Variants in SH2D5 observed in about 807,000 individuals in gnomAD.
SH2D5 encodes SH2 domain containing 5, also known as SH2 domain-containing protein 5.
A neutral mutation model predicts 48.2 loss-of-function variants in SH2D5; 45 were observed. The ratio of observed to expected loss-of-function variants is 0.93; its 90% confidence interval spans 0.73 to 1.20. SH2D5 has a LOEUF of 1.20. SH2D5 is among the 50% of genes most tolerant of loss of function. The probability of loss-of-function intolerance (pLI) is 0.00; values close to 1 mark genes in which losing one functional copy is unlikely to be tolerated. For synonymous variants in SH2D5, 230 were observed against 249.8 expected (o/e 0.92, Z 0.75); for missense variants, 538 against 584.1 (o/e 0.92, Z 0.81).
Position 20,729,180 on chromosome 1 carries a change from A to G in SH2D5, c.-42-1094T>C, listed in dbSNP as rs975817818. ...GAGCCCAGGACACAGCTGGTGTTCA[A>G]TTAATGTGGAATTAACATATCATGG... is the stretch of plus-strand genomic sequence containing the variant. On this transcript the variant is annotated intron_variant, in intron 1 of 9. Coordinates refer to ENST00000444387, the MANE Select transcript of SH2D5 (RefSeq NM_001103161.2). The surrounding 1 kb of genome is among the most constrained non-coding windows in gnomAD (Gnocchi z 4.2). Among the ~76,000 whole-genome samples, 1 of 152,208 alleles carries G rather than the reference A, an allele frequency of 6.6e-6. No homozygotes were observed. Among genetic ancestry groups the G allele is most frequent in the Non-Finnish European group, 1.5e-5 (1 of 68,042 alleles).
rs973682843 is a variant in SH2D5, at chr1:20,720,274, C to T, written c.*1518G>A. ...AAGAAGTCCCAAAGGGCAGTTCCTT[C>T]TATCTTTTGTGACAGGATAGCTCAC... On this transcript the variant is annotated 3_prime_UTR_variant, in exon 10 of 10. Transcript: ENST00000444387. The T allele has an allele frequency of 1.3e-5, 2 of 152,262 alleles. No homozygotes were observed. Among genetic ancestry groups the T allele is most frequent in the African/African-American group, 4.8e-5 (2 of 41,470 alleles). 9.4% of individuals were successfully genotyped at this position (152,262 alleles called of 1,614,324 possible). A position where few individuals can be genotyped will look rare whatever the true frequency, so the allele number is the denominator to read the frequency against.
rs1239597280 is a variant in SH2D5 at position 20,719,770 on chromosome 1, A to C, written c.*2022T>G. On this transcript the variant is annotated 3_prime_UTR_variant, in exon 10 of 10. Coordinates refer to ENST00000444387, the MANE Select transcript of SH2D5 (RefSeq NM_001103161.2). ...TTATTTTGTTTCAAGTCCACACAGC[A>C]AGGAAAGTGGGGCTACCGAGGTGGC... is the stretch of plus-strand genomic sequence containing the variant. 1 of 152,212 alleles carries C rather than the reference A, an allele frequency of 6.6e-6. No individual in the cohort carries two copies. Among genetic ancestry groups the C allele is most frequent in the Non-Finnish European group, 1.5e-5 (1 of 68,034 alleles). The allele number at this position is 152,212 out of a possible 1,614,324, so 9.4% of individuals were successfully genotyped here.
rs773597575 is a variant in SH2D5 at position 20,724,522 on chromosome 1, G to C, written c.504C>G (p.Pro168=). ...EPCPGPTGEV[P]LKPLSSSGGL... ...CCCCAGAGCTGGACAGTGGCTTCAGGGGCACCTCCCCTGTGGGCCCTGGGC... is the reference window on the plus strand; with the variant it reads ...CCCCAGAGCTGGACAGTGGCTTCAGCGGCACCTCCCCTGTGGGCCCTGGGC... The change falls in exon 6 of 10, where the codon CCC becomes CCG. Residue 168 remains proline, a synonymous_variant. Transcript: ENST00000444387. 1.2e-6 allele frequency: 2 copies of C among 1,611,056 alleles called. No individual in the cohort carries two copies. The highest frequency in any genetic ancestry group is 2.7e-5 in the African/African-American group (2 of 74,930).
In SH2D5 at chr1:20,728,951, CTCAG is replaced by C. The variant is rs1225936469; in HGVS notation, c.-42-869_-42-866del. Among the ~76,000 whole-genome samples, 2 of 151,212 alleles carry C rather than the reference CTCAG, an allele frequency of 1.3e-5. No individual in the cohort carries two copies. The highest frequency in any genetic ancestry group is 2.9e-5 in the Non-Finnish European group (2 of 67,892). On this transcript the variant is annotated intron_variant, in intron 1 of 9. Transcript: ENST00000444387. The surrounding 1 kb of genome is among the most constrained non-coding windows in gnomAD (Gnocchi z 4.3). ...CCCTTGCAGATCATGAAAACCAGAA[CTCAG>C]TCAGACAGTGCGCTGATGCAGACAG...
chr1:20,728,046 GC>G lies in SH2D5; in HGVS notation c.-3del. On this transcript the variant is annotated 5_prime_UTR_variant, in exon 2 of 10. Coordinates refer to ENST00000444387, the MANE Select transcript of SH2D5 (RefSeq NM_001103161.2). This position sits in a 1 kb window ranked among gnomAD's most constrained non-coding sequence, Gnocchi z 4.3. ...GCCCCCAGCCCCCGCCTTCTGCATG[GC>G]CCCCAGGGTGCCTGGCTTCCAGCTC... The G allele has an allele frequency of 1.3e-6, 2 of 1,539,826 alleles. No homozygotes were observed. The highest frequency in any genetic ancestry group is 1.8e-6 in the Non-Finnish European group (2 of 1,141,478).
intron 4 of SH2D5, 142 bp from the exon 5 acceptor site, chr1:20,726,208 G>C (rs2054796697): frequency 1.9e-6 from 2 of 1,052,432 alleles, no homozygotes; most frequent in African/African-American, 3.2e-5. Context: ...GGGCCCTGGG[G>C]CTTAAGATCG....
chr1:20,730,505 G>A (rs2054887999), intron 1 of SH2D5, among the ~76,000 whole-genome samples: 1 of 152,120 alleles, frequency 6.6e-6, no homozygotes, highest in South Asian at 2.1e-4. Context: ...CCTCTTAGGG[G>A]CCCCAGCCCA....
rs1389802452 is a variant in SH2D5, at chr1:20,732,083, C to G, written c.-43+98G>C. 1 of 152,194 alleles carries G rather than the reference C, an allele frequency of 6.6e-6. No homozygotes were observed. Among genetic ancestry groups the G allele is most frequent in the East Asian group, 1.9e-4 (1 of 5,152 alleles). The allele number at this position is 152,194 out of a possible 1,614,324, so 9.4% of individuals were successfully genotyped here. On this transcript the variant is annotated intron_variant, in intron 1 of 9. Transcript: ENST00000444387. The surrounding 1 kb of genome is among the most constrained non-coding windows in gnomAD (Gnocchi z 5.1). ...CGCCGCAGCCCCGCGCCTGGGTGCCCGCTTCCCGCCGCCCCCGACCCCGGT... is the reference window on the plus strand; with the variant it reads ...CGCCGCAGCCCCGCGCCTGGGTGCCGGCTTCCCGCCGCCCCCGACCCCGGT...
chr1:20,727,676 C>T lies in SH2D5; in HGVS notation c.88-73G>A, dbSNP rs1570510023. On this transcript the variant is annotated intron_variant, in intron 2 of 9. Transcript: ENST00000444387. Reference sequence around the variant, plus strand: ...GGCTCCTAACCCCATCCTCCAAATTCCCCCCAAACACACATCTGCTCTGCC... The same window carrying T: ...GGCTCCTAACCCCATCCTCCAAATTTCCCCCAAACACACATCTGCTCTGCC... The T allele has an allele frequency of 2.7e-5, 36 of 1,346,062 alleles. No individual in the cohort carries two copies. The East Asian group carries it at 8.7e-4, about 33-fold the overall frequency. 83.4% of individuals were successfully genotyped at this position (1,346,062 alleles called of 1,614,324 possible).
chr1:20,726,486 C>T (rs886391426), intron 4 of SH2D5, among the ~76,000 whole-genome samples: 25 of 151,948 alleles, frequency 1.6e-4, no homozygotes, highest in Non-Finnish European at 3.2e-4. Flanking sequence ...GACCCCAGGG[C>T]CCCGCAATGC....
In SH2D5 at chr1:20,727,040, G is replaced by A. The variant is rs1369832805; in HGVS notation, c.204C>T (p.Phe68=). 6.2e-7 allele frequency: 1 copy of A among 1,612,132 alleles called. No individual in the cohort carries two copies. The highest frequency in any genetic ancestry group is 1.7e-5 in the Admixed American group (1 of 59,926). Residue 68 remains phenylalanine, a synonymous_variant, in exon 4 of 10, where the codon TTC becomes TTT. Coordinates refer to ENST00000444387, the MANE Select transcript of SH2D5 (RefSeq NM_001103161.2). ...TGTAGATCTTGAGACCCTGAAGGCT[G>A]AATTTCAGGATGACGGCCCGGCGTC... is the stretch of plus-strand genomic sequence containing the variant. The part of the protein sequence containing the change: ...CPRRRAVILK[F]SLQGLKIYSG...
At position 20,724,088 on chromosome 1, in the gene SH2D5, T is replaced by C; in HGVS notation, c.794A>G (p.Glu265Gly). 1.9e-6 allele frequency: 3 copies of C among 1,610,522 alleles called. No homozygotes were observed. The highest frequency in any genetic ancestry group is 2.2e-5 in the East Asian group (1 of 44,808). ...YETQLQLSAREAFPAAWEAWP... is the reference protein window; with the variant it reads ...YETQLQLSARGAFPAAWEAWP... ...GGCATGTTCCCACAACTCACAGGCC[T>C]CCCGAGCCGACAGCTGCAGCTGGGT... The change falls in exon 7 of 10, where the codon GAG (glutamate) becomes GGG (glycine). Residue 265 changes from glutamate (E) to glycine (G), a missense_variant. Glu to Gly is a moderately conservative substitution (Grantham distance 98). Coordinates refer to ENST00000444387, the MANE Select transcript of SH2D5 (RefSeq NM_001103161.2).
In SH2D5 at chr1:20,728,895, C is replaced by G. The variant is rs556108729; in HGVS notation, c.-42-809G>C. On this transcript the variant is annotated intron_variant, in intron 1 of 9. Coordinates refer to ENST00000444387, the MANE Select transcript of SH2D5 (RefSeq NM_001103161.2). This position sits in a 1 kb window ranked among gnomAD's most constrained non-coding sequence, Gnocchi z 4.3. ...GGGACCCTGCCTCACTCAGCCCAAA[C>G]AGACCCCAGCCCCTTCCTGAACCCC... Among the ~76,000 whole-genome samples the G allele has an allele frequency of 8.3e-4, 126 of 152,328 alleles. No individual in the cohort carries two copies. The highest frequency in any genetic ancestry group is 2.7e-3 in the African/African-American group (111 of 41,570).
intron 4 of SH2D5, 128 bp downstream of exon 4, chr1:20,726,873 G>A (rs1402197291): frequency 2.1e-5 from 15 of 711,056 alleles, no homozygotes; most frequent in African/African-American, 7.4e-5. Context: ...AGGCTGGCGC[G>A]CCAGGGGGAC....
chr1:20,724,489 C>T lies in SH2D5; in HGVS notation c.537G>A (p.Val179=), dbSNP rs61745432. 409 of 1,612,848 alleles carry T rather than the reference C, an allele frequency of 2.5e-4. No individual in the cohort carries two copies. In the African/African-American group the frequency reaches 5.0e-3, roughly 20 times the overall value. ...LKPLSSSGGL[V]REPFGRDQLS... is the part of the protein sequence containing the mutation. ...GCTGATCACGGCCGAAGGGCTCCCG[C>T]ACCAGGCCCCCAGAGCTGGACAGTG... Residue 179 remains valine (V), a synonymous_variant, in exon 6 of 10, where the codon GTG becomes GTA. Coordinates refer to ENST00000444387, the MANE Select transcript of SH2D5 (RefSeq NM_001103161.2).
rs542498250 is a variant in SH2D5 at position 20,730,602 on chromosome 1, G to C, written c.-43+1579C>G. Reference sequence around the variant, plus strand: ...TTCCTCCCTCCTTCCTAAGCCTGAGGAGCACAGTGCATTCAGCCCAGGCCT... The same window carrying C: ...TTCCTCCCTCCTTCCTAAGCCTGAGCAGCACAGTGCATTCAGCCCAGGCCT... On this transcript the variant is annotated intron_variant, in intron 1 of 9. Transcript: ENST00000444387. 3.9e-5 allele frequency: 6 copies of C among 152,516 alleles called. No homozygotes were observed. The East Asian group carries it at 5.8e-4, about 15-fold the overall frequency. 9.4% of individuals were successfully genotyped at this position (152,516 alleles called of 1,614,324 possible).
intron 7 of SH2D5, 35 bp downstream of exon 7, chr1:20,724,048 G>C: frequency 6.3e-7 from 1 of 1,596,396 alleles, no homozygotes; most frequent in Non-Finnish European, 8.6e-7. Context: ...ACGTGTCCCA[G>C]GTACACACAG....
intron 8 of SH2D5, 146 bp downstream of exon 8, chr1:20,723,480 G>A (rs1258610203): frequency 1.6e-6 from 1 of 620,548 alleles, no homozygotes; most frequent in African/African-American, 1.8e-5. Context: ...TGGAGGCCCA[G>A]GGTGGTGAAG....
rs1056468272 is a variant in SH2D5 at position 20,729,671 on chromosome 1, G to A, written c.-42-1585C>T. Among the ~76,000 whole-genome samples the A allele has an allele frequency of 2.6e-5, 4 of 151,948 alleles. No individual in the cohort carries two copies. The highest frequency in any genetic ancestry group is 6.6e-5 in the Admixed American group (1 of 15,246). On this transcript the variant is annotated intron_variant, in intron 1 of 9. Transcript: ENST00000444387. The surrounding 1 kb of genome is among the most constrained non-coding windows in gnomAD (Gnocchi z 4.2). ...GCCCTGGGCAGCAACGACGGGTCCC[G>A]GGTGTGCTCCCACTCAAGGAGGAGG...
Sources: gnomAD v4.1 joint callset for allele counts (sites outside exome capture counted in the v4.1 genomes callset) on GRCh38, gnomAD v4.1.1 for gene constraint, Gnocchi (gnomAD v3.1) non-coding constraint, MANE v1.5 for transcripts, NCBI Gene and HGNC (gene_info 2026-07-23, HGNC 2026-07-21) for gene names.